The following CDYL variants were observed in gnomAD, a reference collection of about 807,000 sequenced individuals.
CDYL encodes the protein chromodomain Y like, also known as chromodomain Y-like protein.
In CDYL, 8 loss-of-function variants were observed where a neutral mutation model predicts 47.3. That is an observed-to-expected ratio of 0.17 (90% confidence interval 0.10 to 0.31). The LOEUF is 0.31. CDYL is among the 10% of genes least tolerant of loss of function. The pLI, the probability that CDYL is intolerant of heterozygous loss-of-function variation, is 1.00. For missense variants in CDYL, 471 were observed against 701.4 expected, an observed-to-expected ratio of 0.67 and a Z score of 3.71; for synonymous variants, 266 against 265.0, an observed-to-expected ratio of 1.00 and a Z score of -0.04.
intron 3 of CDYL, among the ~76,000 whole-genome samples, chr6:4,766,721 G>A (rs1758257119): frequency 6.6e-6 from 1 of 151,984 alleles, no homozygotes; most frequent in African/African-American, 2.4e-5. Context: ...AATCTGACAA[G>A]AGGCCGGGCA....
chr6:4,796,860 G>A (rs1759086896), intron 1 of CDYL, among the ~76,000 whole-genome samples: 2 of 152,104 alleles, frequency 1.3e-5, no homozygotes, highest in Admixed American at 1.3e-4. Context: ...AATTCTTAGT[G>A]TTTGCTGTTT....
chr6:4,845,781 T>C (rs1305581562), intron 1 of CDYL, among the ~76,000 whole-genome samples: 1 of 152,210 alleles, frequency 6.6e-6, no homozygotes, highest in African/African-American at 2.4e-5. Flanking sequence ...TTTGATCTTT[T>C]TCCAACCGCT....
chr6:4,790,473 G>GT (rs1758888447), intron 1 of CDYL, among the ~76,000 whole-genome samples: 3 of 152,326 alleles, frequency 2.0e-5, no homozygotes, highest in African/African-American at 7.2e-5. Context: ...GAGGACTAGA[G>GT]TTAGGAGAAT....
chr6:4,751,974 CGGCCT>C lies in CDYL; in HGVS notation c.186+17132_186+17136del, dbSNP rs140019459. On this transcript the variant is annotated intron_variant, in intron 3 of 8. Coordinates refer to the CDYL transcript ENST00000328908. ...ACTGGGCAAGGCCACAGCTGCATGC[CGGCCT>C]GCATTGCATCTCTATTTTTGCAGGC... Among the ~76,000 whole-genome samples the C allele has an allele frequency of 4.4e-3, 663 of 152,326 alleles. 11 individuals are homozygous for C. Among genetic ancestry groups the C allele is most frequent in the East Asian group, 0.012 (62 of 5,188 alleles).
intron 1 of CDYL, among the ~76,000 whole-genome samples, chr6:4,712,632 C>G (rs1319955783): frequency 6.6e-6 from 1 of 152,242 alleles, no homozygotes; most frequent in Non-Finnish European, 1.5e-5. Flanking sequence ...TATTCACTAT[C>G]ACGTATACCC....
intron 1 of CDYL, among the ~76,000 whole-genome samples, chr6:4,820,127 G>C (rs762759074): frequency 6.6e-6 from 1 of 152,210 alleles, no homozygotes; most frequent in Non-Finnish European, 1.5e-5. Context: ...CAGATGCACA[G>C]AGAGCTCTTA....
chr6:4,824,140 A>T (rs375565271), intron 1 of CDYL, among the ~76,000 whole-genome samples: 1 of 152,226 alleles, frequency 6.6e-6, no homozygotes, highest in African/African-American at 2.4e-5. Flanking sequence ...CTTAGTGGAC[A>T]TATGCGTTGT....
At chr6:4,845,752 A>G (rs1370578911) in intron 1 of CDYL, among the ~76,000 whole-genome samples, 2 of 152,228 alleles carry the variant, frequency 1.3e-5, no homozygotes, top group Non-Finnish European at 2.9e-5. Flanking sequence ...TACTTTTCAT[A>G]TATCACAAAG....
At chr6:4,892,784 T>A (rs1450609379) in intron 2 of CDYL, among the ~76,000 whole-genome samples, 2 of 152,222 alleles carry the variant, frequency 1.3e-5, no homozygotes, top group Non-Finnish European at 2.9e-5. Context: ...GTTCTTATTT[T>A]GCTCATCTGT....
intron 1 of CDYL, among the ~76,000 whole-genome samples, chr6:4,806,751 C>A (rs73364523): frequency 0.021 from 3,247 of 152,242 alleles, 70 homozygotes; most frequent in East Asian, 0.084. Flanking sequence ...CCTTTAAGTT[C>A]TTTTGTAAAA....
intron 1 of CDYL, among the ~76,000 whole-genome samples, chr6:4,807,669 ATG>A (rs1759411155): frequency 1.6e-5 from 2 of 122,826 alleles, no homozygotes; most frequent in Non-Finnish European, 3.2e-5. Context: ...AGTGGTGTGA[ATG>A]TGGCTCACTG....
chr6:4,948,070 G>T lies in CDYL; in HGVS notation c.1333-4196G>T, dbSNP rs373137971. Among the ~76,000 whole-genome samples the T allele has an allele frequency of 1.3e-3, 199 of 152,316 alleles. 1 individual carries two copies. Among genetic ancestry groups the T allele is most frequent in the Non-Finnish European group, 1.5e-3 (101 of 68,044 alleles). On this transcript the variant is annotated intron_variant, in intron 5 of 6. Transcript: ENST00000397588. ...TTATCAGTAAAATCAGTTCATCGTA[G>T]TGATTACTGTAAACGAGACTGTGTC...
intron 1 of CDYL, among the ~76,000 whole-genome samples, chr6:4,859,395 A>G (rs1266400796): frequency 1.3e-5 from 2 of 151,906 alleles, no homozygotes; most frequent in Non-Finnish European, 1.5e-5. Flanking sequence ...AAACCTTCTC[A>G]GTCCTGAGTT....
chr6:4,791,945 C>T (rs1158740128), intron 1 of CDYL, among the ~76,000 whole-genome samples: 25 of 148,016 alleles, frequency 1.7e-4, no homozygotes, highest in Non-Finnish European at 1.8e-4. Context: ...TGCAGTGGCG[C>T]GATCTCAGCT....
At chr6:4,744,585 A>G (rs1330291190) in intron 3 of CDYL, among the ~76,000 whole-genome samples, 1 of 152,206 alleles carries the variant, frequency 6.6e-6, no homozygotes, top group Admixed American at 6.5e-5. Flanking sequence ...ACCACTGATT[A>G]CTTTAAGAAC....
At chr6:4,746,572 A>C (rs1757902917) in intron 3 of CDYL, among the ~76,000 whole-genome samples, 1 of 152,168 alleles carries the variant, frequency 6.6e-6, no homozygotes, top group Non-Finnish European at 1.5e-5. Flanking sequence ...TGCGTGCTTA[A>C]GCCTGGTGGC....
At chr6:4,828,231 G>A (rs1163663696) in intron 1 of CDYL, among the ~76,000 whole-genome samples, 2 of 139,624 alleles carry the variant, frequency 1.4e-5, no homozygotes, top group Admixed American at 1.5e-4. Flanking sequence ...ACTTTTAACA[G>A]GTTTTTTTTT....
chr6:4,943,220 T>C (rs904599296), intron 4 of CDYL, among the ~76,000 whole-genome samples: 1 of 152,000 alleles, frequency 6.6e-6, no homozygotes, highest in African/African-American at 2.4e-5. Flanking sequence ...GGAAGACAGG[T>C]TGGGGAGCAA....
chr6:4,766,994 C>A (rs918845574), intron 3 of CDYL, among the ~76,000 whole-genome samples: 17 of 150,934 alleles, frequency 1.1e-4, no homozygotes, highest in African/African-American at 4.1e-4. Context: ...AAAGTGAGAC[C>A]CTGTCTAAAA....
Sources: allele counts gnomAD v4.1 joint callset (sites outside exome capture counted in the v4.1 genomes callset), GRCh38; gene constraint gnomAD v4.1.1; transcripts MANE v1.5; gene names NCBI Gene and HGNC (gene_info 2026-07-23, HGNC 2026-07-21).